WDFY2: variants seen among roughly 807,000 people sequenced by gnomAD.
WDFY2 encodes the protein WD repeat and FYVE domain containing 2.
Under a neutral mutation model 56.4 loss-of-function variants are expected in WDFY2, and 36 were observed. The ratio of observed to expected loss-of-function variants is 0.64; its 90% CI spans 0.49 to 0.84. The LOEUF is 0.84. WDFY2 is among the 40% of genes least tolerant of loss of function. WDFY2 has a pLI of 0.00. For synonymous variants in WDFY2, 176 were observed against 183.7 expected (o/e 0.96, Z 0.34); for missense variants, 444 against 512.2 (o/e 0.87, Z 1.29).
chr13:51,614,628 G>A (rs909600926), intron 1 of WDFY2, among the ~76,000 whole-genome samples: 4 of 152,164 alleles, frequency 2.6e-5, no homozygotes, highest in South Asian at 2.1e-4. Context: ...CAAAAGGCAC[G>A]TACCAGCTGT....
Position 51,653,755 on chromosome 13 carries a change from G to T in WDFY2, c.138-6841G>T, listed in dbSNP as rs189457557. Among the ~76,000 whole-genome samples, 286 of 136,280 alleles carry T rather than the reference G, an allele frequency of 2.1e-3. 1 individual carries two copies. The highest frequency in any genetic ancestry group is 7.5e-3 in the African/African-American group (269 of 36,082). 89.4% of individuals were successfully genotyped at this position (136,280 alleles called of 152,430 possible). A position where few individuals can be genotyped will look rare whatever the true frequency, so the allele number is the denominator to read the frequency against. The stretch of plus-strand genomic sequence containing the variant: ...GAACAGCAAATGTTGCTGCCTGATC[G>T]TTCCTCTGGAAGTTTTGTCTCAGAG... On this transcript the variant is annotated intron_variant, in intron 1 of 11. Coordinates refer to ENST00000298125, the MANE Select transcript of WDFY2 (RefSeq NM_052950.4).
chr13:51,753,233 G>A (rs1470424440), intron 8 of WDFY2: 1 of 152,204 alleles, frequency 6.6e-6, no homozygotes, highest in Non-Finnish European at 1.5e-5. Context: ...AACACGATAG[G>A]TTGATGCAGT....
intron 1 of WDFY2, among the ~76,000 whole-genome samples, chr13:51,622,876 G>A (rs1173820433): frequency 3.1e-5 from 2 of 64,124 alleles, no homozygotes. Flanking sequence ...TTTTTTTTTT[G>A]AGATAGAGTC....
At chr13:51,700,841 C>G (rs1404655619) in intron 3 of WDFY2, among the ~76,000 whole-genome samples, 2 of 152,166 alleles carry the variant, frequency 1.3e-5, no homozygotes, top group East Asian at 3.9e-4. Context: ...GTGGCGCATG[C>G]CTGTAATCCC....
At chr13:51,647,597 T>G (rs1047568401) in intron 1 of WDFY2, among the ~76,000 whole-genome samples, 4 of 151,964 alleles carry the variant, frequency 2.6e-5, no homozygotes, top group African/African-American at 9.7e-5. Context: ...CTCTATAAAA[T>G]TTTTTAAAAA....
intron 1 of WDFY2, among the ~76,000 whole-genome samples, chr13:51,642,169 C>G (rs1382091906): frequency 6.6e-6 from 1 of 152,088 alleles, no homozygotes; most frequent in Non-Finnish European, 1.5e-5. Context: ...TTTTCCATAT[C>G]TTTGTCTCTG....
intron 7 of WDFY2, 57 bp downstream of exon 7, chr13:51,739,232 A>G: frequency 3.3e-6 from 5 of 1,513,148 alleles, no homozygotes; most frequent in Non-Finnish European, 4.4e-6. Flanking sequence ...GCTGACAGCT[A>G]GAACAAAGGA....
chr13:51,627,374 G>C (rs1954855669), intron 1 of WDFY2, among the ~76,000 whole-genome samples: 1 of 151,936 alleles, frequency 6.6e-6, no homozygotes, highest in Non-Finnish European at 1.5e-5. Context: ...TAGTCCTTTT[G>C]TTTTCTTTTT....
chr13:51,585,940 G>A (rs142624223), intron 1 of WDFY2: 1 of 398,072 alleles, frequency 2.5e-6, no homozygotes, highest in Non-Finnish European at 4.4e-6. Flanking sequence ...AGGTTCTTCA[G>A]TATAACTAGG....
rs754650592 is a variant in WDFY2 at position 51,675,180 on chromosome 13, A to T, written c.216A>T (p.Ser72=). 18 of 1,613,814 alleles carry T rather than the reference A, an allele frequency of 1.1e-5. No homozygotes were observed. Among genetic ancestry groups the T allele is most frequent in the Non-Finnish European group, 1.5e-5 (18 of 1,179,898 alleles). The part of the protein sequence containing the change: ...SVYHAMPSPC[S]CMSFNPETRR... Reference sequence around the variant, plus strand: ...GTTCATTTCTTTCAGCTCCATGTTCATGCATGTCTTTTAACCCGGAAACAA... The same window carrying T: ...GTTCATTTCTTTCAGCTCCATGTTCTTGCATGTCTTTTAACCCGGAAACAA... The change falls in exon 3 of 12, where the codon TCA becomes TCT. Residue 72 remains serine (S), a synonymous_variant. Transcript: ENST00000298125.
At chr13:51,660,495 C>A in intron 1 of WDFY2, 101 bp from the exon 2 acceptor site, 2 of 1,133,420 alleles carry the variant, frequency 1.8e-6, no homozygotes, top group South Asian at 1.4e-5. Context: ...CCGCGCCTGG[C>A]CTCTCTATAT....
intron 2 of WDFY2, among the ~76,000 whole-genome samples, chr13:51,670,000 C>T (rs542112743): frequency 8.3e-4 from 126 of 152,312 alleles, no homozygotes; most frequent in African/African-American, 2.8e-3. Context: ...AGGCACTTCA[C>T]TCACCCTTTG....
intron 2 of WDFY2, among the ~76,000 whole-genome samples, chr13:51,670,489 G>GCACACACACACACACA (rs55984632): frequency 2.3e-5 from 3 of 131,498 alleles, no homozygotes; most frequent in African/African-American, 5.8e-5. Context: ...GTGCGCACAT[G>GCACACACACACACACA]CACACACACA....
intron 7 of WDFY2, among the ~76,000 whole-genome samples, chr13:51,745,108 A>G (rs1263624093): frequency 1.3e-5 from 2 of 152,202 alleles, no homozygotes; most frequent in Non-Finnish European, 2.9e-5. Flanking sequence ...AAGATCATTG[A>G]TGTGTATCAA....
rs201043743 is a variant in WDFY2, at chr13:51,584,763, G to A, written c.76G>A (p.Val26Met). 3.8e-5 allele frequency: 61 copies of A among 1,613,828 alleles called. No individual in the cohort carries two copies. Among genetic ancestry groups the A allele is most frequent in the Non-Finnish European group, 4.7e-5 (56 of 1,179,834 alleles). ...GCAGCGGATGGAGGGGTCCCAGGAG[G>A]TGGTGAATATGGCCGTGATCGTGCC... ...LLQRMEGSQE[V>M]VNMAVIVPKE... Residue 26 changes from valine (V) to methionine (M), a missense_variant, in exon 1 of 12, where the codon GTG (valine) becomes ATG (methionine). Coordinates refer to ENST00000298125, the MANE Select transcript of WDFY2 (RefSeq NM_052950.4).
intron 7 of WDFY2, among the ~76,000 whole-genome samples, chr13:51,740,969 A>C (rs548647725): frequency 6.6e-6 from 1 of 152,358 alleles, no homozygotes; most frequent in Non-Finnish European, 1.5e-5. Flanking sequence ...GCTTAACACC[A>C]GCATCACTGT....
At chr13:51,645,250 G>T (rs917785549) in intron 1 of WDFY2, among the ~76,000 whole-genome samples, 20 of 151,228 alleles carry the variant, frequency 1.3e-4, no homozygotes, top group African/African-American at 4.6e-4. Flanking sequence ...TTGTATTGCT[G>T]TTGCAGGGTG....
intron 6 of WDFY2, among the ~76,000 whole-genome samples, chr13:51,738,575 G>A (rs1952894391): frequency 6.6e-6 from 1 of 152,088 alleles, no homozygotes; most frequent in Admixed American, 6.5e-5. Context: ...TTCCCAAAGA[G>A]CAAACATAAT....
intron 3 of WDFY2, among the ~76,000 whole-genome samples, chr13:51,692,862 C>T (rs1413024495): frequency 1.3e-5 from 2 of 152,192 alleles, no homozygotes; most frequent in Non-Finnish European, 2.9e-5. Context: ...ATTATTGCCA[C>T]AATTTCAGAG....
Sources: allele counts gnomAD v4.1 joint callset (sites outside exome capture counted in the v4.1 genomes callset), GRCh38; gene constraint gnomAD v4.1.1; transcripts MANE v1.5; gene names NCBI Gene and HGNC (gene_info 2026-07-23, HGNC 2026-07-21).